Variants in OS9 observed in about 807,000 individuals in gnomAD.
OS9 encodes OS9 endoplasmic reticulum lectin, also known as protein OS-9.
Under a neutral mutation model 84.7 loss-of-function variants are expected in OS9, and 58 were observed. The observed-to-expected ratio is 0.68, with a 90% CI of 0.55 to 0.85. The LOEUF is 0.85. Ranked by LOEUF, OS9 falls within the 40% of genes least tolerant of loss-of-function variation. The probability of loss-of-function intolerance (pLI) is 0.00; values close to 1 mark genes in which losing one functional copy is unlikely to be tolerated. For synonymous variants in OS9, 278 were observed against 320.8 expected (o/e 0.87, Z 1.43); for missense variants, 760 against 850.9 (o/e 0.89, Z 1.33).
intron 5 of OS9, among the ~76,000 whole-genome samples, chr12:57,700,143 G>T (rs1042353751): frequency 4.6e-5 from 7 of 151,814 alleles, no homozygotes; most frequent in Non-Finnish European, 1.0e-4. Context: ...GGAAATCTTT[G>T]AAGAAGTTTG....
intron 5 of OS9, among the ~76,000 whole-genome samples, chr12:57,704,541 A>AG (rs1261296046): frequency 6.6e-6 from 1 of 151,950 alleles, no homozygotes; most frequent in Non-Finnish European, 1.5e-5. Flanking sequence ...CATCTCCAAA[A>AG]AAAAAAAGAT....
At chr12:57,702,009 C>A (rs750540181) in intron 5 of OS9, among the ~76,000 whole-genome samples, 34 of 152,138 alleles carry the variant, frequency 2.2e-4, no homozygotes, top group Admixed American at 5.2e-4. Flanking sequence ...GTTGGCCAGG[C>A]TGGTCTTGAA....
intron 5 of OS9, among the ~76,000 whole-genome samples, chr12:57,713,376 T>A (rs1157552443): frequency 6.6e-6 from 1 of 152,156 alleles, no homozygotes; most frequent in Non-Finnish European, 1.5e-5. Flanking sequence ...GGAAGGACAT[T>A]CCTGCTTTAT....
At position 57,716,143 on chromosome 12, in the gene OS9, C is replaced by T; in HGVS notation, c.842C>T (p.Pro281Leu). The stretch of plus-strand genomic sequence containing the variant: ...ATAGAGGAGCTGCAAGATCTAGGCC[C>T]CCAAGTGTGGAGTGAGACCAAGTCT... Reference protein sequence around the residue: ...KIIEELQDLGPQVWSETKSGV... With the variant: ...KIIEELQDLGLQVWSETKSGV... Residue 281 changes from proline (P) to leucine (L), a missense_variant, in exon 7 of 15, where the codon CCC becomes CTC. By Grantham distance (98) the Pro-to-Leu change is moderately conservative. Transcript: ENST00000315970. The T allele has an allele frequency of 1.2e-6, 2 of 1,613,256 alleles. No homozygotes were observed. The highest frequency in any genetic ancestry group is 1.7e-6 in the Non-Finnish European group (2 of 1,179,914).
At chr12:57,713,421 T>TC (rs935612659) in intron 5 of OS9, among the ~76,000 whole-genome samples, 5 of 152,066 alleles carry the variant, frequency 3.3e-5, no homozygotes, top group African/African-American at 1.2e-4. Context: ...CAACCTCTGC[T>TC]CTCTCGGTTT....
chr12:57,720,485 G>T lies in OS9; in HGVS notation c.1845G>T (p.Thr615=), dbSNP rs755347857. 24 of 1,613,294 alleles carry T rather than the reference G, an allele frequency of 1.5e-5. No individual in the cohort carries two copies. Among genetic ancestry groups the T allele is most frequent in the Non-Finnish European group, 1.9e-5 (22 of 1,179,266 alleles). The change falls in exon 14 of 15, where the codon ACG becomes ACT. Residue 615 remains threonine, a synonymous_variant. Coordinates refer to ENST00000315970, the MANE Select transcript of OS9 (RefSeq NM_006812.4). The part of the protein sequence containing the change: ...EGARWLTDED[T]RNLKEIFFNI... ...CACGTTGGCTGACTGATGAGGACAC[G>T]AGAAACCTCAAGGAGATCTTCTTCA... is the stretch of plus-strand genomic sequence containing the variant.
chr12:57,706,003 T>C (rs1954155674), intron 5 of OS9, among the ~76,000 whole-genome samples: 1 of 152,234 alleles, frequency 6.6e-6, no homozygotes, highest in Admixed American at 6.5e-5. Flanking sequence ...TTTCTTCCTT[T>C]CTAAGTTGTA....
rs1256205595 is a variant in OS9, at chr12:57,694,768, G to T, written c.181G>T (p.Val61Leu). The T allele has an allele frequency of 1.2e-5, 19 of 1,613,736 alleles. No homozygotes were observed. The highest frequency in any genetic ancestry group is 1.5e-5 in the Non-Finnish European group (18 of 1,179,992). Residue 61 changes from valine to leucine, a missense_variant, in exon 2 of 15, where the codon GTG (valine) becomes TTG (leucine). Transcript: ENST00000315970. ...TTCCCAGAGCCAATCTTCGGACGTGGTGATTGTCTCCTCTAAGTACAAACA... is the reference window on the plus strand; with the variant it reads ...TTCCCAGAGCCAATCTTCGGACGTGTTGATTGTCTCCTCTAAGTACAAACA... Reference protein sequence around the residue: ...MGGQSQSSDVVIVSSKYKQRY... With the variant: ...MGGQSQSSDVLIVSSKYKQRY...
chr12:57,719,706 T>C, intron 12 of OS9: 1 of 203,010 alleles, frequency 4.9e-6, no homozygotes, highest in Admixed American at 5.3e-5. Context: ...GTTTCAAACC[T>C]TCCATTCCCA....
At chr12:57,695,044 G>C in intron 2 of OS9, 118 bp downstream of exon 2, 1 of 811,446 alleles carries the variant, frequency 1.2e-6, no homozygotes, top group Non-Finnish European at 2.0e-6. Context: ...AAGACCACTG[G>C]AGGAGTAGAC....
intron 5 of OS9, among the ~76,000 whole-genome samples, chr12:57,712,771 C>A (rs1178657356): frequency 2.0e-5 from 3 of 151,832 alleles, no homozygotes. Context: ...CATTCAGTCT[C>A]CCCCTCACAA....
At chr12:57,698,820 G>T (rs1301980036) in intron 5 of OS9, among the ~76,000 whole-genome samples, 1 of 152,178 alleles carries the variant, frequency 6.6e-6, no homozygotes, top group Non-Finnish European at 1.5e-5. Context: ...TAGGGGACAG[G>T]TCATGAAGGG....
intron 5 of OS9, among the ~76,000 whole-genome samples, chr12:57,708,877 C>T (rs961434801): frequency 2.0e-5 from 3 of 152,146 alleles, no homozygotes; most frequent in African/African-American, 4.8e-5. Flanking sequence ...CTACGTGCTG[C>T]GAAATCACTC....
At position 57,716,099 on chromosome 12, in the gene OS9, G is replaced by A. The variant is rs776833416; in HGVS notation, c.798G>A (p.Lys266=). The change falls in exon 7 of 15, where the codon AAG becomes AAA. Residue 266 remains lysine (K), a synonymous_variant. Coordinates refer to ENST00000315970, the MANE Select transcript of OS9 (RefSeq NM_006812.4). ...MAYVQRQADS[K]QYGDKIIEEL... Reference sequence around the variant, plus strand: ...CATGCTGTTTCTCAGTAGACTCAAAGCAGTATGGAGATAAAATCATAGAGG... The same window carrying A: ...CATGCTGTTTCTCAGTAGACTCAAAACAGTATGGAGATAAAATCATAGAGG... The A allele has an allele frequency of 6.8e-6, 11 of 1,613,258 alleles. No individual in the cohort carries two copies. The highest frequency in any genetic ancestry group is 7.6e-6 in the Non-Finnish European group (9 of 1,179,440).
intron 13 of OS9, 25 bp from the exon 14 acceptor site, chr12:57,720,381 C>T: frequency 6.2e-7 from 1 of 1,601,218 alleles, no homozygotes; most frequent in Non-Finnish European, 8.6e-7. Context: ...ATCCTCTCCT[C>T]TCACTGCATA....
chr12:57,719,349 C>G (rs1312490767), intron 12 of OS9, 167 bp downstream of exon 12: 1 of 612,702 alleles, frequency 1.6e-6, no homozygotes, highest in Admixed American at 3.0e-5. Flanking sequence ...ACCATCATCC[C>G]TTTGCGTGTT....
At chr12:57,713,869 A>C (rs1385372049) in intron 5 of OS9, among the ~76,000 whole-genome samples, 2 of 152,070 alleles carry the variant, frequency 1.3e-5, no homozygotes, top group Non-Finnish European at 1.5e-5. Flanking sequence ...TCACACCTGT[A>C]ATACCAGCAC....
intron 7 of OS9, 95 bp downstream of exon 7, chr12:57,716,288 G>GGGGGGGGGC: frequency 1.4e-6 from 1 of 730,876 alleles, no homozygotes. Flanking sequence ...GTGGGGGGGG[G>GGGGGGGGGC]TGGAAAAGTA....
chr12:57,720,684 T>G, intron 14 of OS9, 100 bp from the exon 15 acceptor site: 1 of 1,413,824 alleles, frequency 7.1e-7, no homozygotes, highest in Non-Finnish European at 9.7e-7. Context: ...CCTCAGGACA[T>G]GGGTGTCCTC....
Sources: allele counts gnomAD v4.1 joint callset (sites outside exome capture counted in the v4.1 genomes callset), GRCh38; gene constraint gnomAD v4.1.1; transcripts MANE v1.5; gene names NCBI Gene and HGNC (gene_info 2026-07-23, HGNC 2026-07-21).